PLEKHG1: variants seen among roughly 807,000 people sequenced by gnomAD.
PLEKHG1 encodes pleckstrin homology and RhoGEF domain containing G1.
In PLEKHG1, 44 loss-of-function variants were observed where a neutral mutation model predicts 100.8. The observed-to-expected ratio is 0.44, with a 90% CI of 0.34 to 0.56. The LOEUF is 0.56. Ranked by LOEUF, PLEKHG1 falls within the 20% of genes least tolerant of loss-of-function variation. PLEKHG1 has a pLI of 0.01. For missense variants in PLEKHG1, 1,545 were observed against 1,720.9 expected (o/e 0.90, Z 1.81); for synonymous variants, 640 against 662.5 (o/e 0.97, Z 0.52).
chr6:150,619,593 C>A (rs986564216), intron 1 of PLEKHG1, among the ~76,000 whole-genome samples: 1 of 152,104 alleles, frequency 6.6e-6, no homozygotes, highest in Non-Finnish European at 1.5e-5. Flanking sequence ...ACCAAGGGAA[C>A]AGATGATGAA....
At chr6:150,822,177 A>AAAAAAAAAAAAAAAAC (rs1278144184) in intron 13 of PLEKHG1, among the ~76,000 whole-genome samples, 5 of 124,392 alleles carry the variant, frequency 4.0e-5, no homozygotes, top group Non-Finnish European at 7.1e-5. Flanking sequence ...AAAAAAAAAA[A>AAAAAAAAAAAAAAAAC]AGAATAGGGC....
intron 1 of PLEKHG1, among the ~76,000 whole-genome samples, chr6:150,633,882 G>A (rs576565892): frequency 6.6e-6 from 1 of 152,260 alleles, no homozygotes; most frequent in South Asian, 2.1e-4. Context: ...GAGAGTGCTG[G>A]TGACCAGGTT....
Position 150,655,225 on chromosome 6 carries a change from G to A in PLEKHG1, c.-99+4439G>A, listed in dbSNP as rs144265322. On this transcript the variant is annotated intron_variant, in intron 3 of 3. Coordinates refer to the PLEKHG1 transcript ENST00000367326. ...CAGCCATTGTGGAAGACGATGTAGC[G>A]ATTCCTCAAGGATCTAGAGCCAGAA... Among the ~76,000 whole-genome samples, 388 of 152,280 alleles carry A rather than the reference G, an allele frequency of 2.5e-3. 4 individuals are homozygous for A. The highest frequency in any genetic ancestry group is 8.6e-3 in the African/African-American group (358 of 41,556).
chr6:150,641,899 A>G (rs1051098763), intron 2 of PLEKHG1, among the ~76,000 whole-genome samples: 1 of 137,714 alleles, frequency 7.3e-6, no homozygotes, highest in African/African-American at 2.7e-5. Flanking sequence ...AAAAAAAAAA[A>G]GCAAAAGGAA....
At chr6:150,720,559 C>T (rs1024483215), upstream of PLEKHG1, among the ~76,000 whole-genome samples, 7 of 152,180 alleles carry the variant, frequency 4.6e-5, no homozygotes, top group Non-Finnish European at 8.8e-5. Context: ...TATCAAGTGT[C>T]TTGTTAACAG....
At chr6:150,822,203 C>A (rs796208372) in intron 13 of PLEKHG1, among the ~76,000 whole-genome samples, 5 of 111,312 alleles carry the variant, frequency 4.5e-5, no homozygotes, top group African/African-American at 1.3e-4. Context: ...CACAAAAACA[C>A]ACAAACTGGC....
At chr6:150,795,894 C>T in exon 5 of PLEKHG1, 1 of 1,600,548 alleles carries the variant, frequency 6.2e-7, no homozygotes, top group Non-Finnish European at 8.6e-7. Flanking sequence ...ATTGCACTAA[C>T]TATCCAAGGT....
At chr6:150,792,945 A>C (rs1199338573) in intron 4 of PLEKHG1, among the ~76,000 whole-genome samples, 1 of 152,226 alleles carries the variant, frequency 6.6e-6, no homozygotes, top group African/African-American at 2.4e-5. Flanking sequence ...AGGGGCTCCT[A>C]CTAGCCAAAA....
chr6:150,696,096 A>G (rs1473887820), intron 3 of PLEKHG1, among the ~76,000 whole-genome samples: 1 of 152,222 alleles, frequency 6.6e-6, no homozygotes, highest in African/African-American at 2.4e-5. Flanking sequence ...CCCTAGCTCT[A>G]TATCAATGTT....
chr6:150,646,081 G>A lies in PLEKHG1; in HGVS notation c.-157-4647G>A, dbSNP rs117925768. Among the ~76,000 whole-genome samples, 1,123 of 152,200 alleles carry A rather than the reference G, an allele frequency of 7.4e-3. 4 individuals carry two copies. Among genetic ancestry groups the A allele is most frequent in the Middle Eastern group, 0.02 (6 of 294 alleles). On this transcript the variant is annotated intron_variant, in intron 2 of 3. Coordinates refer to the PLEKHG1 transcript ENST00000367326. Reference sequence around the variant, plus strand: ...AACTACATAATTAGCAAAATGACACGGGTATATCTCACACAATATTGAATG... The same window carrying A: ...AACTACATAATTAGCAAAATGACACAGGTATATCTCACACAATATTGAATG...
intron 3 of PLEKHG1, chr6:150,662,588 G>C (rs1201771313): frequency 6.7e-6 from 1 of 149,130 alleles, no homozygotes; most frequent in East Asian, 2.0e-4. Flanking sequence ...GCTAATTTTT[G>C]TGTTTTTAGT....
At chr6:150,840,275 C>G (rs751495745) in exon 16 of PLEKHG1, 7 of 1,614,090 alleles carry the variant, frequency 4.3e-6, no homozygotes, top group Non-Finnish European at 5.9e-6. Context: ...AGCCTTATCA[C>G]AGGTCCCAGT....
At chr6:150,653,293 T>C (rs1251449844) in intron 3 of PLEKHG1, among the ~76,000 whole-genome samples, 1 of 152,120 alleles carries the variant, frequency 6.6e-6, no homozygotes, top group Admixed American at 6.5e-5. Flanking sequence ...ACCAATGCAG[T>C]TGTAAAATTT....
intron 3 of PLEKHG1, among the ~76,000 whole-genome samples, chr6:150,673,526 T>C (rs1779643081): frequency 6.6e-6 from 1 of 152,222 alleles, no homozygotes; most frequent in South Asian, 2.1e-4. Flanking sequence ...TTGTGTACAC[T>C]TGTAGTCAAG....
chr6:150,602,494 T>C (rs1207250814), intron 1 of PLEKHG1, among the ~76,000 whole-genome samples: 2 of 152,248 alleles, frequency 1.3e-5, no homozygotes, highest in African/African-American at 2.4e-5. Context: ...TACTTAGATA[T>C]GGATTATTTC....
At chr6:150,799,239 C>A (rs1157101021) in intron 5 of PLEKHG1, among the ~76,000 whole-genome samples, 2 of 152,156 alleles carry the variant, frequency 1.3e-5, no homozygotes, top group Admixed American at 6.5e-5. Context: ...CCAAAGTTCC[C>A]TTCTCCCACT....
At chr6:150,750,558 A>G (rs1783447790) in intron 2 of PLEKHG1, among the ~76,000 whole-genome samples, 1 of 151,852 alleles carries the variant, frequency 6.6e-6, no homozygotes, top group African/African-American at 2.4e-5. Context: ...AGGCGGGCGG[A>G]TCACGAGGTC....
At chr6:150,620,775 G>T (rs1176551029) in intron 1 of PLEKHG1, among the ~76,000 whole-genome samples, 1 of 152,164 alleles carries the variant, frequency 6.6e-6, no homozygotes, top group Non-Finnish European at 1.5e-5. Flanking sequence ...CAGAACGGAG[G>T]CTCTGCCCTC....
intron 3 of PLEKHG1, among the ~76,000 whole-genome samples, chr6:150,781,986 G>T (rs1008242663): frequency 1.3e-5 from 2 of 151,644 alleles, no homozygotes; most frequent in African/African-American, 4.8e-5. Context: ...CGCTGTGTTA[G>T]CCAGGATGGT....
Sources: allele counts gnomAD v4.1 joint callset (sites outside exome capture counted in the v4.1 genomes callset), GRCh38; gene constraint gnomAD v4.1.1; transcripts MANE v1.5; gene names NCBI Gene and HGNC (gene_info 2026-07-23, HGNC 2026-07-21).